NOM1: variants seen among roughly 807,000 people sequenced by gnomAD.
NOM1 encodes nucleolar MIF4G domain-containing protein 1.
A neutral mutation model predicts 73.3 loss-of-function variants in NOM1; 58 were observed. The observed-to-expected ratio is 0.79, with a 90% confidence interval of 0.64 to 0.99. The LOEUF (loss-of-function observed/expected upper bound fraction) is 0.99, where lower values mean the gene tolerates loss of function less well. Among genes scored for constraint, NOM1 ranks in the 50% least tolerant of loss-of-function variants. The pLI is 0.00. For synonymous variants in NOM1, 487 were observed against 446.8 expected (o/e 1.09, Z -1.14); for missense variants, 1,226 against 1,131.9 (o/e 1.08, Z -1.19).
At chr7:156,965,359 C>A (rs1049392679) in intron 7 of NOM1, among the ~76,000 whole-genome samples, 1 of 152,240 alleles carries the variant, frequency 6.6e-6, no homozygotes, top group Non-Finnish European at 1.5e-5. Context: ...GCCCCAAGAG[C>A]ATGGTGACTC....
At position 156,970,126 on chromosome 7, in the gene NOM1, A is replaced by G. The variant is rs1439039685; in HGVS notation, c.*423A>G. 6.8e-6 allele frequency: 1 copy of G among 147,778 alleles called. No homozygotes were observed. Among genetic ancestry groups the G allele is most frequent in the African/African-American group, 2.7e-5 (1 of 36,998 alleles). 9.2% of individuals were successfully genotyped at this position (147,778 alleles called of 1,614,324 possible). ...AAAACCCTGTCTCTACTAAAAATAT[A>G]AAAATTAGCCAGGCATGATGGCACA... On this transcript the variant is annotated 3_prime_UTR_variant, in exon 11 of 11. Coordinates refer to ENST00000275820, the MANE Select transcript of NOM1 (RefSeq NM_138400.2).
chr7:156,953,741 G>A (rs1804651760), intron 2 of NOM1, among the ~76,000 whole-genome samples: 1 of 152,144 alleles, frequency 6.6e-6, no homozygotes, highest in African/African-American at 2.4e-5. Flanking sequence ...GAAATAAAAC[G>A]TTAGCATTTT....
At position 156,969,565 on chromosome 7, in the gene NOM1, G is replaced by A. The variant is rs762556363; in HGVS notation, c.2445G>A (p.Glu815=). ...ACCCAAAGCTGGGGGTGTTACGTGA[G>A]GGTTTGAAGCTTTTCATCAGCCACT... is the stretch of plus-strand genomic sequence containing the variant. ...SDNPKLGVLR[E]GLKLFISHFL... Residue 815 remains glutamate, a synonymous_variant, in exon 11 of 11, where the codon GAG becomes GAA. Coordinates refer to ENST00000275820, the MANE Select transcript of NOM1 (RefSeq NM_138400.2). 1.9e-6 allele frequency: 3 copies of A among 1,614,004 alleles called. No individual in the cohort carries two copies. Among genetic ancestry groups the A allele is most frequent in the Non-Finnish European group, 2.5e-6 (3 of 1,179,946 alleles).
At chr7:156,965,371 C>T (rs760568669) in intron 7 of NOM1, among the ~76,000 whole-genome samples, 4 of 152,246 alleles carry the variant, frequency 2.6e-5, no homozygotes, top group East Asian at 1.9e-4. Context: ...TGGTGACTCT[C>T]GAGTGTATTC....
chr7:156,950,859 C>T (rs1241495136), intron 1 of NOM1, 135 bp downstream of exon 1: 1 of 744,828 alleles, frequency 1.3e-6, no homozygotes, highest in African/African-American at 1.8e-5. Context: ...AAATCGAGTA[C>T]GTTACTCTAT....
intron 1 of NOM1, 99 bp from the exon 2 acceptor site, chr7:156,952,375 G>A (rs1804615651): frequency 7.7e-6 from 10 of 1,299,574 alleles, no homozygotes; most frequent in African/African-American, 1.5e-5. Context: ...GCTTCCACCA[G>A]TTCTTGGAAG....
At chr7:156,953,537 C>T (rs1465961836) in intron 2 of NOM1, among the ~76,000 whole-genome samples, 1 of 151,996 alleles carries the variant, frequency 6.6e-6, no homozygotes, top group Non-Finnish European at 1.5e-5. Flanking sequence ...CCACCCCCTT[C>T]CCCCTTGTAT....
At position 156,959,935 on chromosome 7, in the gene NOM1, C is replaced by G. The variant is rs1213738051; in HGVS notation, c.1393C>G (p.Leu465Val). ...YGSEGKECDN[L>V]FTVIAHLYNF... ...AAGCGAAGGGAAAGAGTGTGACAAC[C>G]TGTTCACCGTCATTGCCCATTTATA... The change falls in exon 4 of 11, where the codon CTG (leucine) becomes GTG (valine). Residue 465 changes from leucine (L) to valine (V), a missense_variant. Leu to Val is a conservative substitution (Grantham distance 32). Coordinates refer to ENST00000275820, the MANE Select transcript of NOM1 (RefSeq NM_138400.2). 4 of 1,613,406 alleles carry G rather than the reference C, an allele frequency of 2.5e-6. No homozygotes were observed. The Admixed American group carries it at 6.7e-5, about 27-fold the overall frequency.
rs907379148 is a variant in NOM1, at chr7:156,967,029, T to C, written c.2235T>C (p.Ser745=). 1 of 1,613,980 alleles carries C rather than the reference T, an allele frequency of 6.2e-7. No individual in the cohort carries two copies. Among genetic ancestry groups the C allele is most frequent in the African/African-American group, 1.3e-5 (1 of 74,918 alleles). The change falls in exon 9 of 11, where the codon TCT becomes TCC. Residue 745 remains serine (S), a synonymous_variant. Coordinates refer to ENST00000275820, the MANE Select transcript of NOM1 (RefSeq NM_138400.2). Reference sequence around the variant, plus strand: ...AAAACTTGCCAGCTACGAATTTCTCTAATTTGGTTCATCTGGTGGCCCACT... The same window carrying C: ...AAAACTTGCCAGCTACGAATTTCTCCAATTTGGTTCATCTGGTGGCCCACT... ...DLENLPATNF[S]NLVHLVAHLL... is the part of the protein sequence containing the mutation.
intron 5 of NOM1, 94 bp downstream of exon 5, chr7:156,962,355 C>A: frequency 9.7e-7 from 1 of 1,029,512 alleles, no homozygotes; most frequent in Non-Finnish European, 1.5e-6. Flanking sequence ...ACCTGCACGT[C>A]AGGGTGGTGT....
In NOM1 at chr7:156,965,795, A is replaced by T. The variant is rs572471641; in HGVS notation, c.2034-475A>T. 2.2e-4 allele frequency among the ~76,000 whole-genome samples: 16 copies of T among 72,418 alleles called. No homozygotes were observed. In the South Asian group the frequency reaches 3.3e-3, roughly 15 times the overall value. The allele number at this position is 72,418 out of a possible 152,430, so 47.5% of individuals were successfully genotyped here. ...GCTGGGGGTGGTGGTGGCACCTGTA[A>T]TCCAGCTACTCGGGAGGCTGAGGTA... On this transcript the variant is annotated intron_variant, in intron 7 of 10. Transcript: ENST00000275820.
Position 156,954,097 on chromosome 7 carries a change from C to G in NOM1, c.1113-6C>G. The G allele has an allele frequency of 6.2e-7, 1 of 1,601,386 alleles. No individual in the cohort carries two copies. The highest frequency in any genetic ancestry group is 8.5e-7 in the Non-Finnish European group (1 of 1,176,290). The stretch of plus-strand genomic sequence containing the variant: ...TGTTGCTCTCTGTCTTTACAATTCT[C>G]TGCAGGTTGAGTGAACCCAACATGG... On this transcript the variant is annotated splice_region_variant and splice_polypyrimidine_tract_variant and intron_variant, in intron 2 of 10. Transcript: ENST00000275820.
chr7:156,966,517 C>T (rs992117954), intron 8 of NOM1, 115 bp downstream of exon 8: 24 of 1,249,440 alleles, frequency 1.9e-5, no homozygotes, highest in East Asian at 9.3e-5. Context: ...CTGATATCCC[C>T]GTCACCTGGT....
At chr7:156,963,676 G>C (rs189878239) in intron 6 of NOM1, 2 of 448,914 alleles carry the variant, frequency 4.5e-6, no homozygotes, top group Non-Finnish European at 8.0e-6. Context: ...CCCTGAGGTT[G>C]AACCACGACT....
rs35181749 is a variant in NOM1, at chr7:156,956,192, C to CAA, written c.1308+1907_1308+1908dup. Among the ~76,000 whole-genome samples, 108 of 139,524 alleles carry CAA rather than the reference C, an allele frequency of 7.7e-4. 1 individual carries two copies. Among genetic ancestry groups the CAA allele is most frequent in the African/African-American group, 1.0e-3 (38 of 37,754 alleles). The allele number at this position is 139,524 out of a possible 152,430, so 91.5% of individuals were successfully genotyped here. The stretch of plus-strand genomic sequence containing the variant: ...TGGGTGACAGAGCGAGACTCAGTCT[C>CAA]AAAAAAAAAAAAAAGATGCACGGAT... On this transcript the variant is annotated intron_variant, in intron 3 of 10. Transcript: ENST00000275820.
intron 7 of NOM1, 134 bp from the exon 8 acceptor site, chr7:156,966,136 G>A (rs571896638): frequency 1.0e-5 from 11 of 1,074,106 alleles, no homozygotes; most frequent in Admixed American, 2.2e-5. Flanking sequence ...GGTGTCTGCC[G>A]CTGCCTCCAC....
chr7:156,950,938 T>G (rs976751874), intron 1 of NOM1, among the ~76,000 whole-genome samples: 12 of 152,186 alleles, frequency 7.9e-5, no homozygotes, highest in Middle Eastern at 3.2e-3. Context: ...TAGAGACATT[T>G]TTATCCCGGG....
chr7:156,962,945 G>A (rs147451571), intron 5 of NOM1, 63 bp from the exon 6 acceptor site: 3 of 1,536,530 alleles, frequency 2.0e-6, no homozygotes, highest in African/African-American at 1.4e-5. Flanking sequence ...AAAGCCACCG[G>A]TGATGGAAGG....
At chr7:156,966,055 C>T in intron 7 of NOM1, 1 of 589,944 alleles carries the variant, frequency 1.7e-6, no homozygotes, top group East Asian at 2.9e-5. Context: ...GTCTTGTCTC[C>T]TCTGACATTT....
Sources: gnomAD v4.1 joint callset for allele counts (sites outside exome capture counted in the v4.1 genomes callset) on GRCh38, gnomAD v4.1.1 for gene constraint, MANE v1.5 for transcripts, NCBI Gene and HGNC (gene_info 2026-07-23, HGNC 2026-07-21) for gene names.